The following S100B variants were observed in gnomAD, a reference collection of about 807,000 sequenced individuals.
The protein encoded by S100B is S100 calcium binding protein B, also known as protein S100-B.
S100B carries 6 observed loss-of-function variants against 7.7 expected under a neutral mutation model. That is an observed-to-expected ratio of 0.78 (90% CI 0.43 to 1.54). S100B has a LOEUF of 1.54. S100B is among the 40% of genes most tolerant of loss of function. The pLI, the probability that S100B is intolerant of heterozygous loss-of-function variation, is 0.01. For missense variants in S100B, 99 were observed against 111.8 expected (o/e 0.89, Z 0.52); for synonymous variants, 36 against 40.4 (o/e 0.89, Z 0.41).
chr21:46,603,392 A>AGGGGGTGGGGGGAGGGGGGTGCGGGGGG (rs796474856), intron 1 of S100B, among the ~76,000 whole-genome samples: 1 of 38,206 alleles, frequency 2.6e-5, no homozygotes, highest in Non-Finnish European at 4.9e-5. Context: ...GGACGGCGGG[A>AGGGGGTGGGGGGAGGGGGGTGCGGGGGG]GGGGGTGGGG....
At chr21:46,603,051 A>T (rs77484034) in intron 1 of S100B, among the ~76,000 whole-genome samples, 2,032 of 152,286 alleles carry the variant, frequency 0.013, 45 homozygotes, top group African/African-American at 0.046. Context: ...TGAGGAACAT[A>T]AAATGTAGGA....
chr21:46,604,356 A>G (rs373742317), intron 1 of S100B, among the ~76,000 whole-genome samples: 8 of 152,354 alleles, frequency 5.3e-5, no homozygotes, highest in African/African-American at 1.9e-4. Flanking sequence ...AACTCCTTAG[A>G]AAGACAAGTT....
intron 1 of S100B, among the ~76,000 whole-genome samples, chr21:46,603,392 A>AGGGGGGGGCGGGGGGGGTGGGGGG: frequency 2.6e-5 from 1 of 38,206 alleles, no homozygotes. Flanking sequence ...GGACGGCGGG[A>AGGGGGGGGCGGGGGGGGTGGGGGG]GGGGGTGGGG....
chr21:46,603,392 A>AGGGGGGGGCGGGGGGGGGGGCGGGGGG, intron 1 of S100B, among the ~76,000 whole-genome samples: 1 of 38,230 alleles, frequency 2.6e-5, no homozygotes, highest in Non-Finnish European at 4.9e-5. Flanking sequence ...GGACGGCGGG[A>AGGGGGGGGCGGGGGGGGGGGCGGGGGG]GGGGGTGGGG....
At chr21:46,603,359 T>A (rs1469977630) in intron 1 of S100B, among the ~76,000 whole-genome samples, 1 of 14,310 alleles carries the variant, frequency 7.0e-5, no homozygotes, top group Non-Finnish European at 1.5e-4. Context: ...ACCGAAAGGG[T>A]GGCTCATTCA....
chr21:46,603,070 C>T (rs73907535), intron 1 of S100B, among the ~76,000 whole-genome samples: 5,250 of 151,948 alleles, frequency 0.035, 290 homozygotes, highest in African/African-American at 0.12. Flanking sequence ...GAAGTTTTTC[C>T]TTTAAATTCA....
intron 2 of S100B, chr21:46,600,406 G>T (rs1465128493): frequency 2.3e-6 from 1 of 438,788 alleles, no homozygotes. Context: ...AATTAGCTGG[G>T]CATGGTCCAT....
intron 1 of S100B, chr21:46,602,776 A>G (rs28446864): frequency 0.041 from 7,496 of 182,250 alleles, 600 homozygotes; most frequent in African/African-American, 0.16. Flanking sequence ...ATTAATCCCC[A>G]CAGGGTCCCT....
At chr21:46,600,309 A>G in intron 2 of S100B, 1 of 420,434 alleles carries the variant, frequency 2.4e-6, no homozygotes, top group Non-Finnish European at 4.8e-6. Flanking sequence ...TGGGAAGCTA[A>G]GGCAGGAGGA....
chr21:46,601,947 A>C (rs576656631), intron 2 of S100B, among the ~76,000 whole-genome samples: 1 of 152,260 alleles, frequency 6.6e-6, no homozygotes, highest in Non-Finnish European at 1.5e-5. Flanking sequence ...TCCTAAAAAC[A>C]TTCCCAAAGC....
intron 1 of S100B, among the ~76,000 whole-genome samples, chr21:46,604,618 T>G (rs1200535578): frequency 6.6e-6 from 1 of 152,202 alleles, no homozygotes; most frequent in Non-Finnish European, 1.5e-5. Context: ...AGCATTTATT[T>G]ATGATATAGG....
rs1417266117 is a variant in S100B, at chr21:46,600,451, C to T, written c.139-948G>A. On this transcript the variant is annotated intron_variant, in intron 2 of 2. Coordinates refer to ENST00000291700, the MANE Select transcript of S100B (RefSeq NM_006272.3). ...TTCCCAGCTACTCAGGAGGCTGAGG[C>T]GGAGGATCGCTTGAGCCTGGGAGGT... 1.8e-5 allele frequency: 7 copies of T among 385,080 alleles called. 1 individual carries two copies. The highest frequency in any genetic ancestry group is 9.6e-5 in the South Asian group (5 of 52,238). 23.9% of individuals were successfully genotyped at this position (385,080 alleles called of 1,614,324 possible). A position where few individuals can be genotyped will look rare whatever the true frequency, so the allele number is the denominator to read the frequency against.
chr21:46,599,792 T>A (rs2061036511), intron 2 of S100B, among the ~76,000 whole-genome samples: 1 of 149,106 alleles, frequency 6.7e-6, no homozygotes, highest in Non-Finnish European at 1.5e-5. Flanking sequence ...AAAAAAAAAA[T>A]ACCATCTAGA....
chr21:46,600,206 C>T lies in S100B; in HGVS notation c.139-703G>A, dbSNP rs192721114. 1.3e-5 allele frequency: 4 copies of T among 298,916 alleles called. No homozygotes were observed. The East Asian group carries it at 3.9e-4, about 29-fold the overall frequency. The allele number at this position is 298,916 out of a possible 1,614,324, so 18.5% of individuals were successfully genotyped here. A position where few individuals can be genotyped will look rare whatever the true frequency, so the allele number is the denominator to read the frequency against. On this transcript the variant is annotated intron_variant, in intron 2 of 2. Transcript: ENST00000291700. ...ATTCTCCGGGATAGGAAGGCTTGGC[C>T]TGAAGAAGTCAAGTGTAATGTACAA...
At chr21:46,600,868 A>C (rs1470431786) in intron 2 of S100B, among the ~76,000 whole-genome samples, 1 of 152,212 alleles carries the variant, frequency 6.6e-6, no homozygotes, top group East Asian at 1.9e-4. Context: ...TCACCCTCAC[A>C]ACAGCCCTTG....
intron 1 of S100B, among the ~76,000 whole-genome samples, chr21:46,603,392 A>AGGGGGTGGGGGGGGAGG (rs796474856): frequency 3.1e-4 from 12 of 38,230 alleles, no homozygotes; most frequent in African/African-American, 1.2e-3. Context: ...GGACGGCGGG[A>AGGGGGTGGGGGGGGAGG]GGGGGTGGGG....
intron 2 of S100B, among the ~76,000 whole-genome samples, chr21:46,600,031 C>T (rs2061037179): frequency 1.3e-5 from 2 of 152,184 alleles, no homozygotes; most frequent in Non-Finnish European, 1.5e-5. Flanking sequence ...TTTTTCCTGA[C>T]AGTTCTGCCT....
At chr21:46,600,586 T>C (rs989177618) in intron 2 of S100B, among the ~76,000 whole-genome samples, 2 of 151,980 alleles carry the variant, frequency 1.3e-5, no homozygotes, top group Non-Finnish European at 2.9e-5. Flanking sequence ...AGATTGTAAC[T>C]CCACGGGGGT....
intron 2 of S100B, chr21:46,600,484 G>T: frequency 1.1e-5 from 4 of 353,774 alleles, no homozygotes; most frequent in South Asian, 8.2e-5. Flanking sequence ...GGTTGAGGCT[G>T]CAATGAGCCA....
Sources: gnomAD v4.1 joint callset for allele counts (sites outside exome capture counted in the v4.1 genomes callset) on GRCh38, gnomAD v4.1.1 for gene constraint, MANE v1.5 for transcripts, NCBI Gene and HGNC (gene_info 2026-07-23, HGNC 2026-07-21) for gene names.